PKNOX1: variants seen among roughly 807,000 people sequenced by gnomAD.
PKNOX1 encodes the protein PBX/knotted 1 homeobox 1, also known as homeobox protein PKNOX1.
PKNOX1 carries 15 observed loss-of-function variants against 51.9 expected under a neutral mutation model. The observed-to-expected ratio is 0.29, with a 90% CI of 0.19 to 0.45. The LOEUF is 0.45. PKNOX1 is among the 20% of genes least tolerant of loss of function. PKNOX1 has a pLI of 1.00. For synonymous variants in PKNOX1, 219 were observed against 211.1 expected, an observed-to-expected ratio of 1.04 and a Z score of -0.32; for missense variants, 462 against 547.5, an observed-to-expected ratio of 0.84 and a Z score of 1.56.
At chr21:42,992,322 G>A (rs1327168443) in intron 1 of PKNOX1, among the ~76,000 whole-genome samples, 1 of 152,146 alleles carries the variant, frequency 6.6e-6, no homozygotes, top group Admixed American at 6.5e-5. Context: ...CAGGGCTTTG[G>A]AGCTGGACAG....
intron 1 of PKNOX1, among the ~76,000 whole-genome samples, chr21:42,994,031 CTTT>C (rs34173115): frequency 1.2e-3 from 113 of 93,260 alleles, no homozygotes; most frequent in African/African-American, 1.5e-3. Flanking sequence ...CGCGCCCAGC[CTTT>C]TTTTTTTTTT....
intron 1 of PKNOX1, among the ~76,000 whole-genome samples, chr21:42,975,087 G>A (rs1227313836): frequency 6.9e-6 from 1 of 144,368 alleles, no homozygotes; most frequent in Non-Finnish European, 1.5e-5. Flanking sequence ...GCGGGGCGGC[G>A]GGCGTGAGGG....
chr21:42,982,031 C>T (rs1343542057), intron 1 of PKNOX1, among the ~76,000 whole-genome samples: 1 of 152,212 alleles, frequency 6.6e-6, no homozygotes, highest in Non-Finnish European at 1.5e-5. Context: ...GTACGCTCCC[C>T]TCACAGTGGG....
rs1568907406 is a variant in PKNOX1, at chr21:43,030,084, A to G, written c.1294A>G (p.Ser432Gly). Residue 432 changes from serine to glycine, a missense_variant, in exon 11 of 11, where the codon AGT (serine) becomes GGT (glycine). Around this residue, in one of 5 missense-constraint regions of PKNOX1, gnomAD observed 118 missense variants for 116.8 expected, o/e 1.01. Transcript: ENST00000291547. ...CATCAGCGGGCTGGTCTTGGAGAAC[A>G]GTGACTCCCTGCAGTAGGGGCAGGA... Reference protein sequence around the residue: ...AHISGLVLENSDSLQ With the variant: ...AHISGLVLENGDSLQ 5.0e-6 allele frequency: 8 copies of G among 1,602,326 alleles called. No individual in the cohort carries two copies. The highest frequency in any genetic ancestry group is 6.0e-6 in the Non-Finnish European group (7 of 1,170,364).
At chr21:43,015,941 T>C (rs776792886) in intron 5 of PKNOX1, among the ~76,000 whole-genome samples, 46 of 152,224 alleles carry the variant, frequency 3.0e-4, no homozygotes, top group Admixed American at 1.2e-3. Context: ...ATCTTTATTA[T>C]TTCCTTTCTT....
chr21:42,988,286 T>C (rs1160822946), intron 1 of PKNOX1, among the ~76,000 whole-genome samples: 1 of 152,018 alleles, frequency 6.6e-6, no homozygotes, highest in Admixed American at 6.6e-5. Context: ...CCTGACCTCA[T>C]GATCCGCCCA....
At chr21:42,975,828 T>C (rs1462959891) in intron 1 of PKNOX1, among the ~76,000 whole-genome samples, 1 of 152,256 alleles carries the variant, frequency 6.6e-6, no homozygotes, top group African/African-American at 2.4e-5. Context: ...GATTTTTCCT[T>C]AGGAAGTGGT....
intron 1 of PKNOX1, among the ~76,000 whole-genome samples, chr21:42,993,666 T>G (rs1425178542): frequency 6.8e-6 from 1 of 146,324 alleles, no homozygotes; most frequent in Admixed American, 6.8e-5. Context: ...TTTGTTTTTT[T>G]TTTTTTTTGC....
At chr21:42,994,451 A>T (rs1978402860) in intron 1 of PKNOX1, among the ~76,000 whole-genome samples, 2 of 147,462 alleles carry the variant, frequency 1.4e-5, no homozygotes, top group African/African-American at 5.0e-5. Flanking sequence ...TGCTAGTATT[A>T]CAGGCACGTG....
At chr21:42,979,460 T>G (rs765516264) in intron 1 of PKNOX1, among the ~76,000 whole-genome samples, 1 of 152,156 alleles carries the variant, frequency 6.6e-6, no homozygotes, top group Non-Finnish European at 1.5e-5. Flanking sequence ...GAGGTGCTTA[T>G]AGCCAGGCGC....
chr21:43,032,933 A>C lies in PKNOX1; in HGVS notation c.*2832A>C, dbSNP rs1980341127. 6.6e-6 allele frequency: 1 copy of C among 152,130 alleles called. No individual in the cohort carries two copies. The highest frequency in any genetic ancestry group is 1.5e-5 in the Non-Finnish European group (1 of 68,032). The allele number at this position is 152,130 out of a possible 1,614,324, so 9.4% of individuals were successfully genotyped here. A position where few individuals can be genotyped will look rare whatever the true frequency, so the allele number is the denominator to read the frequency against. On this transcript the variant is annotated 3_prime_UTR_variant, in exon 11 of 11. Coordinates refer to ENST00000291547, the MANE Select transcript of PKNOX1 (RefSeq NM_004571.5). Reference sequence around the variant, plus strand: ...TTGAGGTCAGTTGGCACCTTAAAACACCTGTTCTCCAGCCCTTGGACAGTG... The same window carrying C: ...TTGAGGTCAGTTGGCACCTTAAAACCCCTGTTCTCCAGCCCTTGGACAGTG...
At chr21:42,991,372 A>T (rs1461242849) in intron 1 of PKNOX1, among the ~76,000 whole-genome samples, 1 of 152,036 alleles carries the variant, frequency 6.6e-6, no homozygotes, top group Non-Finnish European at 1.5e-5. Flanking sequence ...AAAATAACCA[A>T]ACCACAAATT....
rs73370290 is a variant in PKNOX1, at chr21:43,018,529, T to C, written c.720+299T>C. On this transcript the variant is annotated intron_variant, in intron 7 of 10. Transcript: ENST00000291547. ...ACACACACACACACACACACAGAGTTATCCAGTGCTAACGTTGGATCATGT... is the reference window on the plus strand; with the variant it reads ...ACACACACACACACACACACAGAGTCATCCAGTGCTAACGTTGGATCATGT... 5.0e-3 allele frequency among the ~76,000 whole-genome samples: 522 copies of C among 104,826 alleles called. 51 individuals carry two copies. Among genetic ancestry groups the C allele is most frequent in the African/African-American group, 0.019 (496 of 26,284 alleles). 68.8% of individuals were successfully genotyped at this position (104,826 alleles called of 152,430 possible). A position where few individuals can be genotyped will look rare whatever the true frequency, so the allele number is the denominator to read the frequency against.
chr21:42,987,826 G>A (rs2059062980), intron 1 of PKNOX1, among the ~76,000 whole-genome samples: 1 of 151,876 alleles, frequency 6.6e-6, no homozygotes, highest in Non-Finnish European at 1.5e-5. Context: ...CACCATGTTA[G>A]CCAGGATGGT....
chr21:43,029,835 A>C, intron 10 of PKNOX1, 55 bp from the exon 11 acceptor site: 8 of 1,441,192 alleles, frequency 5.6e-6, no homozygotes, highest in Non-Finnish European at 7.8e-6. Flanking sequence ...TGAGTAATAA[A>C]GTGTTTTTCT....
chr21:43,024,327 C>T (rs1979896335), intron 8 of PKNOX1: 1 of 152,278 alleles, frequency 6.6e-6, no homozygotes, highest in South Asian at 2.1e-4. Context: ...ATGCCTCAGT[C>T]TCCTCTTCTG....
In PKNOX1 at chr21:43,018,052, A is replaced by T. The variant is rs1467939958; in HGVS notation, c.623-81A>T. On this transcript the variant is annotated intron_variant, in intron 6 of 10. Transcript: ENST00000291547. ...AAGCAATGTCCCTGTCTCTACAAAAAAAAAAAAAAAAAAAAAAAGAAGAAT... is the reference window on the plus strand; with the variant it reads ...AAGCAATGTCCCTGTCTCTACAAAATAAAAAAAAAAAAAAAAAAGAAGAAT... 5 of 644,394 alleles carry T rather than the reference A, an allele frequency of 7.8e-6. No homozygotes were observed. The African/African-American group carries it at 9.4e-5, about 12-fold the overall frequency. The allele number at this position is 644,394 out of a possible 1,614,324, so 39.9% of individuals were successfully genotyped here.
intron 2 of PKNOX1, among the ~76,000 whole-genome samples, chr21:43,005,535 T>C (rs920103231): frequency 1.7e-4 from 4 of 23,340 alleles, no homozygotes; most frequent in Non-Finnish European, 3.3e-4. Context: ...TCCAATTGAC[T>C]TTTTTTTTTT....
intron 1 of PKNOX1, among the ~76,000 whole-genome samples, chr21:42,977,950 T>C (rs1419972069): frequency 6.6e-6 from 1 of 152,162 alleles, no homozygotes; most frequent in East Asian, 1.9e-4. Context: ...ATGTTGTGGC[T>C]GGTTTGATCT....
Sources: gnomAD v4.1 joint callset for allele counts (sites outside exome capture counted in the v4.1 genomes callset) on GRCh38, gnomAD v4.1.1 for gene constraint, gnomAD v4.1.1 regional missense constraint, MANE v1.5 for transcripts, NCBI Gene and HGNC (gene_info 2026-07-23, HGNC 2026-07-21) for gene names.